CCDC191: variants seen among roughly 807,000 people sequenced by gnomAD.
CCDC191 encodes coiled-coil domain containing 191, also known as coiled-coil domain-containing protein 191.
Under a neutral mutation model 114.0 loss-of-function variants are expected in CCDC191, and 99 were observed. The observed-to-expected ratio is 0.87, with a 90% CI of 0.74 to 1.03. The LOEUF (loss-of-function observed/expected upper bound fraction) is 1.03. Ranked by LOEUF, CCDC191 falls within the 50% of genes least tolerant of loss-of-function variation. The pLI is 0.00. For synonymous variants in CCDC191, 351 were observed against 376.0 expected, an observed-to-expected ratio of 0.93 and a Z score of 0.77; for missense variants, 973 against 1,087.0, an observed-to-expected ratio of 0.90 and a Z score of 1.47.
rs1205035987 is a variant in CCDC191, at chr3:114,047,399, T to C, written c.130-667A>G. Among the ~76,000 whole-genome samples the C allele has an allele frequency of 2.0e-5, 3 of 152,194 alleles. No individual in the cohort carries two copies. The East Asian group carries it at 5.8e-4, about 29-fold the overall frequency. The stretch of plus-strand genomic sequence containing the variant: ...ATATTAGGCTGGGTGCAGTGGCTCA[T>C]GCCTGTAATCATAGCACTTTGGAAG... On this transcript the variant is annotated intron_variant, in intron 2 of 16. Coordinates refer to ENST00000295878, the MANE Select transcript of CCDC191 (RefSeq NM_020817.2).
chr3:114,027,388 G>A (rs544797366), intron 7 of CCDC191, among the ~76,000 whole-genome samples: 1 of 152,254 alleles, frequency 6.6e-6, no homozygotes, highest in South Asian at 2.1e-4. Context: ...GGCCAAGGTG[G>A]GCGGATCACG....
intron 7 of CCDC191, among the ~76,000 whole-genome samples, chr3:114,030,266 TA>T (rs943246522): frequency 3.9e-5 from 6 of 152,182 alleles, no homozygotes; most frequent in Non-Finnish European, 8.8e-5. Flanking sequence ...CCATCTAAAA[TA>T]TATATGATTG....
In CCDC191 at chr3:113,964,847, A is replaced by G. The variant is rs777660582; in HGVS notation, c.*308T>C. ...TGCTATACGGACACATTTTCTTCAC[A>G]GGCTCAGTCAGGCAAACACTTGTCC... is the stretch of plus-strand genomic sequence containing the variant. On this transcript the variant is annotated 3_prime_UTR_variant, in exon 17 of 17. Coordinates refer to ENST00000295878, the MANE Select transcript of CCDC191 (RefSeq NM_020817.2). The G allele has an allele frequency of 5.0e-5, 9 of 179,512 alleles. No homozygotes were observed. The highest frequency in any genetic ancestry group is 8.1e-5 in the Non-Finnish European group (7 of 86,438). The allele number at this position is 179,512 out of a possible 1,614,324, so 11.1% of individuals were successfully genotyped here. A position where few individuals can be genotyped will look rare whatever the true frequency, so the allele number is the denominator to read the frequency against.
At chr3:114,001,729 C>G (rs2075859870) in intron 12 of CCDC191, 33 bp from the exon 13 acceptor site, 1 of 1,611,502 alleles carries the variant, frequency 6.2e-7, no homozygotes, top group East Asian at 2.2e-5. Flanking sequence ...AATATCAGAA[C>G]CCTCAATTTG....
intron 13 of CCDC191, among the ~76,000 whole-genome samples, chr3:113,982,875 A>T (rs1217626668): frequency 6.6e-6 from 1 of 151,850 alleles, no homozygotes; most frequent in Non-Finnish European, 1.5e-5. Context: ...AAAAAACCAA[A>T]AATAAAAAAT....
intron 13 of CCDC191, among the ~76,000 whole-genome samples, chr3:113,991,892 TA>T (rs549648161): frequency 1.0e-3 from 158 of 151,868 alleles, no homozygotes; most frequent in African/African-American, 3.5e-3. Flanking sequence ...TATGAAAGTT[TA>T]AAAAAAACAT....
At chr3:114,043,687 A>G (rs1200185842) in intron 3 of CCDC191, among the ~76,000 whole-genome samples, 1 of 152,212 alleles carries the variant, frequency 6.6e-6, no homozygotes, top group Non-Finnish European at 1.5e-5. Flanking sequence ...AATCACTTTG[A>G]CCATTAAGTT....
At chr3:114,048,813 TTCTTCTCAAGGAG>T (rs1226171721) in intron 2 of CCDC191, among the ~76,000 whole-genome samples, 3 of 152,264 alleles carry the variant, frequency 2.0e-5, no homozygotes, top group African/African-American at 7.2e-5. Flanking sequence ...AATTCTTATC[TTCTTCTCAAGGAG>T]AACCTGGCAC....
At chr3:114,045,498 A>C (rs778549254) in intron 3 of CCDC191, among the ~76,000 whole-genome samples, 11 of 152,086 alleles carry the variant, frequency 7.2e-5, no homozygotes, top group Admixed American at 2.6e-4. Flanking sequence ...CAGCCTCCCA[A>C]GTAGCTGGGA....
At chr3:113,984,670 C>T (rs2075289908) in intron 13 of CCDC191, 1 of 152,120 alleles carries the variant, frequency 6.6e-6, no homozygotes. Flanking sequence ...ATAAATGCAC[C>T]TATCTCAATT....
At chr3:113,978,734 G>T in intron 15 of CCDC191, 124 bp downstream of exon 15, 1 of 978,696 alleles carries the variant, frequency 1.0e-6, no homozygotes, top group Non-Finnish European at 1.5e-6. Context: ...GCAGTGAATG[G>T]GATTGACTAC....
chr3:114,043,757 A>T (rs2076594337), intron 3 of CCDC191, among the ~76,000 whole-genome samples: 1 of 152,200 alleles, frequency 6.6e-6, no homozygotes, highest in Non-Finnish European at 1.5e-5. Context: ...AACAAGTATA[A>T]TAATCCAAAA....
chr3:114,009,995 C>A (rs975368800), intron 9 of CCDC191, among the ~76,000 whole-genome samples: 1 of 152,088 alleles, frequency 6.6e-6, no homozygotes, highest in Non-Finnish European at 1.5e-5. Flanking sequence ...AGCTGCCCCA[C>A]ACCCAAAAAT....
chr3:114,025,117 A>T (rs2076300990), intron 7 of CCDC191, among the ~76,000 whole-genome samples: 1 of 152,152 alleles, frequency 6.6e-6, no homozygotes, highest in African/African-American at 2.4e-5. Context: ...AAAAGCCTAG[A>T]GGCCTAAACT....
chr3:114,039,818 A>G (rs1043610325), intron 4 of CCDC191, among the ~76,000 whole-genome samples: 38 of 152,248 alleles, frequency 2.5e-4, no homozygotes, highest in Non-Finnish European at 4.4e-4. Context: ...AAAAGAGTCA[A>G]AATGTTAGAA....
chr3:113,996,318 T>G (rs1044819732), intron 13 of CCDC191, among the ~76,000 whole-genome samples: 5 of 152,214 alleles, frequency 3.3e-5, no homozygotes, highest in Admixed American at 6.5e-5. Context: ...AGTTTCAGTT[T>G]TCTGCATAGG....
At chr3:114,045,267 A>G (rs531555335) in intron 3 of CCDC191, among the ~76,000 whole-genome samples, 182 of 152,086 alleles carry the variant, frequency 1.2e-3, no homozygotes, top group Non-Finnish European at 2.1e-3. Context: ...ACCACTCTAA[A>G]CCACTCACCA....
intron 8 of CCDC191, among the ~76,000 whole-genome samples, chr3:114,018,358 G>T (rs200102698): frequency 6.9e-6 from 1 of 144,836 alleles, no homozygotes; most frequent in Admixed American, 6.8e-5. Flanking sequence ...TTATTTTATT[G>T]GAGACAGGAT....
intron 1 of CCDC191, among the ~76,000 whole-genome samples, chr3:114,054,800 C>T (rs1442467333): frequency 6.6e-6 from 1 of 152,132 alleles, no homozygotes; most frequent in Non-Finnish European, 1.5e-5. Context: ...CAGGACATTT[C>T]CTTTCTTCAA....
Sources: gnomAD v4.1 joint callset for allele counts (sites outside exome capture counted in the v4.1 genomes callset) on GRCh38, gnomAD v4.1.1 for gene constraint, MANE v1.5 for transcripts, NCBI Gene and HGNC (gene_info 2026-07-23, HGNC 2026-07-21) for gene names.